TNNI3K: variants seen among roughly 807,000 people sequenced by gnomAD.
TNNI3K encodes the protein serine/threonine-protein kinase TNNI3K.
A neutral mutation model predicts 114.5 loss-of-function variants in TNNI3K; 140 were observed. That is an observed-to-expected ratio of 1.22 (90% CI 1.07 to 1.41). The LOEUF is 1.41. Among genes scored for constraint, TNNI3K ranks in the 40% most tolerant of loss-of-function variants. The pLI, the probability that TNNI3K is intolerant of heterozygous loss-of-function variation, is 0.00. For synonymous variants in TNNI3K, 347 were observed against 347.5 expected, an observed-to-expected ratio of 1.00 and a Z score of 0.02; for missense variants, 1,125 against 1,007.6, an observed-to-expected ratio of 1.12 and a Z score of -1.58.
At chr1:74,325,710 G>T (rs1659863874) in intron 5 of TNNI3K, among the ~76,000 whole-genome samples, 1 of 152,138 alleles carries the variant, frequency 6.6e-6, no homozygotes, top group Non-Finnish European at 1.5e-5. Context: ...GTAGAGGAAA[G>T]TTGGAGATGA....
At chr1:74,292,688 C>T (rs1370176845) in intron 5 of TNNI3K, among the ~76,000 whole-genome samples, 1 of 151,544 alleles carries the variant, frequency 6.6e-6, no homozygotes, top group South Asian at 2.1e-4. Flanking sequence ...GTTTGCTACA[C>T]AGCTTATAGG....
At chr1:74,287,917 T>C (rs1557475935) in intron 5 of TNNI3K, among the ~76,000 whole-genome samples, 2 of 151,888 alleles carry the variant, frequency 1.3e-5, no homozygotes, top group South Asian at 2.1e-4. Context: ...AATCTAAAAA[T>C]GTGCAAAAAA....
intron 21 of TNNI3K, among the ~76,000 whole-genome samples, chr1:74,484,126 TC>T (rs200622234): frequency 0.013 from 1,911 of 152,110 alleles, 37 homozygotes; most frequent in African/African-American, 0.044. Context: ...TTTAAAGCTT[TC>T]TCAACCCCCC....
At chr1:74,286,276 A>G in intron 5 of TNNI3K, among the ~76,000 whole-genome samples, 1 of 151,604 alleles carries the variant, frequency 6.6e-6, no homozygotes, top group Non-Finnish European at 1.5e-5. Flanking sequence ...ATGTCCCCAG[A>G]CCTCTCTCTG....
chr1:74,413,827 A>G (rs763760488), intron 17 of TNNI3K, among the ~76,000 whole-genome samples: 4 of 152,198 alleles, frequency 2.6e-5, no homozygotes, highest in Non-Finnish European at 5.9e-5. Context: ...AAGTTAGAAC[A>G]ATACATAGAT....
chr1:74,481,984 T>A (rs1407286412), intron 21 of TNNI3K, among the ~76,000 whole-genome samples: 1 of 152,124 alleles, frequency 6.6e-6, no homozygotes, highest in African/African-American at 2.4e-5. Flanking sequence ...ATTCTCAGAG[T>A]GCCTTCTTTT....
At chr1:74,237,532 A>T (rs1328382354) in intron 2 of TNNI3K, among the ~76,000 whole-genome samples, 1 of 152,012 alleles carries the variant, frequency 6.6e-6, no homozygotes, top group Non-Finnish European at 1.5e-5. Flanking sequence ...TTTAGAAAGT[A>T]TTGAGCACAT....
At chr1:74,393,250 T>C (rs1247858320) in intron 17 of TNNI3K, among the ~76,000 whole-genome samples, 1 of 149,664 alleles carries the variant, frequency 6.7e-6, no homozygotes, top group East Asian at 2.0e-4. Context: ...GTTAGGGATA[T>C]AGATAGGATG....
At chr1:74,433,146 T>C (rs1665972541) in intron 17 of TNNI3K, among the ~76,000 whole-genome samples, 1 of 152,038 alleles carries the variant, frequency 6.6e-6, no homozygotes, top group African/African-American at 2.4e-5. Flanking sequence ...ACGACATCTC[T>C]CAGTAATAAA....
At chr1:74,462,880 T>A (rs1195924159) in intron 20 of TNNI3K, among the ~76,000 whole-genome samples, 1 of 152,174 alleles carries the variant, frequency 6.6e-6, no homozygotes, top group Non-Finnish European at 1.5e-5. Flanking sequence ...AATAAAGATG[T>A]GAAGTGTCCA....
intron 21 of TNNI3K, among the ~76,000 whole-genome samples, chr1:74,485,109 CTAGTGA>C: frequency 6.6e-6 from 1 of 152,112 alleles, no homozygotes; most frequent in East Asian, 1.9e-4. Context: ...AACTTTCTAG[CTAGTGA>C]TAGACATGTA....
chr1:74,529,503 G>T (rs1035231929), intron 23 of TNNI3K, among the ~76,000 whole-genome samples: 5 of 152,212 alleles, frequency 3.3e-5, no homozygotes, highest in Non-Finnish European at 5.9e-5. Flanking sequence ...ATTCAGTGCT[G>T]CATGTGATTC....
chr1:74,417,863 T>A (rs1246140324), intron 17 of TNNI3K, among the ~76,000 whole-genome samples: 1 of 152,064 alleles, frequency 6.6e-6, no homozygotes, highest in Non-Finnish European at 1.5e-5. Context: ...GTTTTAGATT[T>A]GAAAGTTTTT....
chr1:74,365,135 G>C (rs145229677), intron 11 of TNNI3K, among the ~76,000 whole-genome samples: 203 of 152,152 alleles, frequency 1.3e-3, no homozygotes, highest in African/African-American at 4.7e-3. Flanking sequence ...TGATGTGTTA[G>C]AACTGTAAGG....
chr1:74,465,220 C>A (rs1570654790), intron 21 of TNNI3K, among the ~76,000 whole-genome samples: 1 of 152,208 alleles, frequency 6.6e-6, no homozygotes, highest in South Asian at 2.1e-4. Context: ...ACCGTGGGAA[C>A]CCCTCTCTGG....
At chr1:74,378,075 T>C (rs1223449105) in intron 17 of TNNI3K, among the ~76,000 whole-genome samples, 6 of 152,096 alleles carry the variant, frequency 3.9e-5, no homozygotes, top group Non-Finnish European at 8.8e-5. Context: ...AAATAATCAC[T>C]ATCATTTGGA....
intron 21 of TNNI3K, among the ~76,000 whole-genome samples, chr1:74,465,299 C>T (rs546318832): frequency 1.0e-3 from 158 of 152,318 alleles, no homozygotes; most frequent in African/African-American, 3.6e-3. Flanking sequence ...CAGGAGGTAA[C>T]CAGCTGGCGC....
At chr1:74,238,415 C>T (rs546352725) in intron 2 of TNNI3K, among the ~76,000 whole-genome samples, 1 of 151,882 alleles carries the variant, frequency 6.6e-6, no homozygotes, top group Non-Finnish European at 1.5e-5. Context: ...CCATAGTAAG[C>T]ATTGAGTAGT....
chr1:74,540,362 G>A, intron 24 of TNNI3K, 49 bp downstream of exon 24: 1 of 1,565,572 alleles, frequency 6.4e-7, no homozygotes, highest in Non-Finnish European at 8.7e-7. Flanking sequence ...CCCCTAGGAA[G>A]GTGATGTCTA....
Sources: gnomAD v4.1 joint callset for allele counts (sites outside exome capture counted in the v4.1 genomes callset) on GRCh38, gnomAD v4.1.1 for gene constraint, MANE v1.5 for transcripts, NCBI Gene and HGNC (gene_info 2026-07-23, HGNC 2026-07-21) for gene names.